The following MAP3K2 variants were observed in gnomAD, a reference collection of about 807,000 sequenced individuals.
MAP3K2 encodes mitogen-activated protein kinase kinase kinase 2, also known as MAP/ERK kinase kinase 2.
MAP3K2 carries 24 observed loss-of-function variants against 80.3 expected under a neutral mutation model. The observed-to-expected ratio is 0.30, with a 90% CI of 0.22 to 0.42. The LOEUF (loss-of-function observed/expected upper bound fraction) is 0.42. Among genes scored for constraint, MAP3K2 ranks in the 10% least tolerant of loss-of-function variants. MAP3K2 has a pLI of 1.00. For missense variants in MAP3K2, 608 were observed against 750.1 expected (o/e 0.81, Z 2.21); for synonymous variants, 244 against 253.7 (o/e 0.96, Z 0.36).
At chr2:127,345,081 T>G (rs2104852623) in intron 1 of MAP3K2, among the ~76,000 whole-genome samples, 1 of 152,320 alleles carries the variant, frequency 6.6e-6, no homozygotes, top group South Asian at 2.1e-4. Flanking sequence ...CTCAAGCTCC[T>G]GGGCTAAAGT....
In MAP3K2 at chr2:127,308,634, T is replaced by A; in HGVS notation, c.1585A>T (p.Ser529Cys). ...KSVTGTPYWM[S>C]PEVISGEGYG... ...CCTTCTCCACTGATGACTTCAGGGCTCATCCAGTATGGTGTGCCCGTGACA... is the reference window on the plus strand; with the variant it reads ...CCTTCTCCACTGATGACTTCAGGGCACATCCAGTATGGTGTGCCCGTGACA... The change falls in exon 16 of 17, where the codon AGC becomes TGC. Residue 529 changes from serine to cysteine, a missense_variant. Physicochemically the swap from Ser to Cys is moderately radical, Grantham distance 112 (BLOSUM62 -1). This residue lies in a region of MAP3K2 where 88 missense variants were observed against 132.4 expected (regional missense o/e 0.66). Transcript: ENST00000682094. 6.2e-7 allele frequency: 1 copy of A among 1,613,194 alleles called. No homozygotes were observed. The highest frequency in any genetic ancestry group is 8.5e-7 in the Non-Finnish European group (1 of 1,179,312).
chr2:127,310,464 C>T lies in MAP3K2; in HGVS notation c.1457-1702G>A, dbSNP rs1685788698. 6.6e-6 allele frequency among the ~76,000 whole-genome samples: 1 copy of T among 152,118 alleles called. No individual in the cohort carries two copies. The highest frequency in any genetic ancestry group is 2.1e-4 in the South Asian group (1 of 4,826). ...AGGAATTCAAGGCCAGCCTAGGCAA[C>T]GTGGTGAGACACCATCTCTACAAAA... On this transcript the variant is annotated intron_variant, in intron 15 of 16. Transcript: ENST00000682094. This position sits in a 1 kb window ranked among gnomAD's most constrained non-coding sequence, Gnocchi z 4.8.
chr2:127,307,812 G>A lies in MAP3K2; in HGVS notation c.1635-8C>T. On this transcript the variant is annotated splice_polypyrimidine_tract_variant and splice_region_variant and intron_variant, in intron 16 of 16. Transcript: ENST00000682094. The surrounding 1 kb of genome is among the most constrained non-coding windows in gnomAD (Gnocchi z 5.4). ...ACAGTACATGCAACACTCCTGAAAA[G>A]AAACAAAAAGAAATACATTACACAA... 6.5e-7 allele frequency: 1 copy of A among 1,544,974 alleles called. No individual in the cohort carries two copies. Among genetic ancestry groups the A allele is most frequent in the Non-Finnish European group, 8.8e-7 (1 of 1,136,654 alleles).
rs145188002 is a variant in MAP3K2, at chr2:127,380,946, T to A, written c.-66+6506A>T. Among the ~76,000 whole-genome samples, 925 of 152,342 alleles carry A rather than the reference T, an allele frequency of 6.1e-3. 9 individuals are homozygous for A. Among genetic ancestry groups the A allele is most frequent in the African/African-American group, 0.021 (886 of 41,582 alleles). ...TGAAGTTCACTACAAACATATCTCA[T>A]CAGAAATTCATTCTTTATTCATAAA... On this transcript the variant is annotated intron_variant, in intron 1 of 16. Coordinates refer to ENST00000682094, the MANE Select transcript of MAP3K2 (RefSeq NM_001371910.2).
At chr2:127,353,567 TG>T (rs70985448) in intron 1 of MAP3K2, among the ~76,000 whole-genome samples, 149,324 of 149,894 alleles carry the variant, frequency 1, 74,384 homozygotes, top group East Asian at 1. Flanking sequence ...GGGAGGGAGG[TG>T]GGGGGGGTCA....
chr2:127,308,226 A>C (rs1685744249), intron 16 of MAP3K2, among the ~76,000 whole-genome samples: 1 of 152,234 alleles, frequency 6.6e-6, no homozygotes, highest in Non-Finnish European at 1.5e-5. Flanking sequence ...AAATTATAAA[A>C]GAATTAAAGA....
chr2:127,381,359 A>C (rs1037664600), intron 1 of MAP3K2, among the ~76,000 whole-genome samples: 1 of 152,200 alleles, frequency 6.6e-6, no homozygotes. Context: ...TGCACTTCTT[A>C]AGAGTACAGA....
intron 1 of MAP3K2, among the ~76,000 whole-genome samples, 197 bp from the exon 2 acceptor site, chr2:127,343,391 C>T (rs1281881833): frequency 4.6e-5 from 7 of 152,082 alleles, no homozygotes; most frequent in Non-Finnish European, 2.9e-5. Context: ...TACCAAAATT[C>T]CAGACTCCCA....
intron 1 of MAP3K2, among the ~76,000 whole-genome samples, chr2:127,348,752 C>T (rs1361768656): frequency 6.6e-6 from 1 of 151,894 alleles, no homozygotes; most frequent in East Asian, 1.9e-4. Flanking sequence ...CAAATTATAA[C>T]TGAAAAAGGA....
At chr2:127,316,609 C>A (rs1685909829) in intron 14 of MAP3K2, among the ~76,000 whole-genome samples, 1 of 152,116 alleles carries the variant, frequency 6.6e-6, no homozygotes, top group South Asian at 2.1e-4. Context: ...ACTGCTATAC[C>A]TCATATTACT....
At chr2:127,345,246 C>T (rs1048472349) in intron 1 of MAP3K2, among the ~76,000 whole-genome samples, 3 of 152,000 alleles carry the variant, frequency 2.0e-5, no homozygotes, top group African/African-American at 7.2e-5. Context: ...GTGGCTACAC[C>T]ACTATCAGGC....
chr2:127,341,839 T>A (rs1202361312), intron 2 of MAP3K2, among the ~76,000 whole-genome samples: 2 of 152,068 alleles, frequency 1.3e-5, no homozygotes, highest in Non-Finnish European at 2.9e-5. Flanking sequence ...GCCCAATGGG[T>A]TTCTGACACA....
In MAP3K2 at chr2:127,302,887, T is replaced by C. The variant is rs747904258; in HGVS notation, c.*4692A>G. The C allele has an allele frequency of 3.3e-5, 5 of 152,088 alleles. No individual in the cohort carries two copies. Among genetic ancestry groups the C allele is most frequent in the Non-Finnish European group, 7.4e-5 (5 of 68,024 alleles). 9.4% of individuals were successfully genotyped at this position (152,088 alleles called of 1,614,324 possible). A position where few individuals can be genotyped will look rare whatever the true frequency, so the allele number is the denominator to read the frequency against. ...TTCTCTCCTAACATTTATTTATTTA[T>C]TTATTTATTTTTTTAAAAAGGAGGT... On this transcript the variant is annotated 3_prime_UTR_variant, in exon 17 of 17. Coordinates refer to ENST00000682094, the MANE Select transcript of MAP3K2 (RefSeq NM_001371910.2).
At chr2:127,345,333 A>T (rs545692725) in intron 1 of MAP3K2, among the ~76,000 whole-genome samples, 1 of 152,362 alleles carries the variant, frequency 6.6e-6, no homozygotes, top group South Asian at 2.1e-4. Context: ...AGATATAGCA[A>T]TTATAAACTT....
In MAP3K2 at chr2:127,318,322, A is replaced by G; in HGVS notation, c.1046-5T>C. The stretch of plus-strand genomic sequence containing the variant: ...AGTTGGTCGGAGCTCGAGGTGCTGA[A>G]AAAGAACACTTTCTTAAAGTGAAAT... On this transcript the variant is annotated splice_region_variant and splice_polypyrimidine_tract_variant and intron_variant, in intron 12 of 16. Transcript: ENST00000682094. 6.3e-7 allele frequency: 1 copy of G among 1,577,182 alleles called. No individual in the cohort carries two copies. Among genetic ancestry groups the G allele is most frequent in the Non-Finnish European group, 8.6e-7 (1 of 1,166,024 alleles).
intron 1 of MAP3K2, among the ~76,000 whole-genome samples, chr2:127,361,238 G>A (rs768771807): frequency 6.6e-5 from 10 of 150,772 alleles, no homozygotes; most frequent in Non-Finnish European, 1.2e-4. Context: ...GCCTGAACCC[G>A]GGAGGCAGAG....
intron 1 of MAP3K2, among the ~76,000 whole-genome samples, chr2:127,361,345 AT>A (rs1454563202): frequency 1.3e-5 from 2 of 151,318 alleles, no homozygotes; most frequent in African/African-American, 2.4e-5. Context: ...TTAAAAGGGA[AT>A]TTAAAAAGTG....
intron 1 of MAP3K2, among the ~76,000 whole-genome samples, chr2:127,368,553 T>A (rs935729440): frequency 5.3e-5 from 8 of 150,398 alleles, no homozygotes; most frequent in Non-Finnish European, 1.2e-4. Context: ...ACCAGGGAGG[T>A]GGAGGTTGCA....
chr2:127,309,979 C>T (rs980938295), intron 15 of MAP3K2, among the ~76,000 whole-genome samples: 2 of 152,148 alleles, frequency 1.3e-5, no homozygotes, highest in Admixed American at 1.3e-4. Context: ...GAGTTATGCT[C>T]CAGGCTGAGT....
Sources: allele counts gnomAD v4.1 joint callset (sites outside exome capture counted in the v4.1 genomes callset), GRCh38; gene constraint gnomAD v4.1.1; regional missense constraint gnomAD v4.1.1; non-coding constraint Gnocchi (gnomAD v3.1); transcripts MANE v1.5; gene names NCBI Gene and HGNC (gene_info 2026-07-23, HGNC 2026-07-21).